Variants in RBFOX1 observed in about 807,000 individuals in gnomAD.
The protein encoded by RBFOX1 is RNA binding protein fox-1 homolog 1.
A neutral mutation model predicts 57.7 loss-of-function variants in RBFOX1; 8 were observed. The observed-to-expected ratio is 0.14, with a 90% CI of 0.08 to 0.25. The LOEUF (loss-of-function observed/expected upper bound fraction) is 0.25. Among genes scored for constraint, RBFOX1 ranks in the 10% least tolerant of loss-of-function variants. The pLI is 1.00. For synonymous variants in RBFOX1, 326 were observed against 222.4 expected (o/e 1.47, Z -4.15); for missense variants, 611 against 548.5 (o/e 1.11, Z -1.14).
intron 2 of RBFOX1, among the ~76,000 whole-genome samples, chr16:6,530,753 T>C (rs79700189): frequency 0.11 from 1,531 of 14,454 alleles, 14 homozygotes; most frequent in East Asian, 0.47. Context: ...AAACCGTCCC[T>C]TCCCCACCCC....
At chr16:6,793,010 CAG>C (rs1231544997) in intron 3 of RBFOX1, among the ~76,000 whole-genome samples, 3 of 144,678 alleles carry the variant, frequency 2.1e-5, no homozygotes, top group Admixed American at 7.0e-5. Flanking sequence ...GGCTGGGCGA[CAG>C]AGTGAGACTC....
intron 4 of RBFOX1, among the ~76,000 whole-genome samples, chr16:7,185,307 G>A (rs57585947): frequency 1.3e-5 from 2 of 151,892 alleles, no homozygotes; most frequent in African/African-American, 2.4e-5. Flanking sequence ...TGATTCTACT[G>A]TACCCTGGAG....
intron 1 of RBFOX1, among the ~76,000 whole-genome samples, chr16:6,113,891 C>G (rs2096471209): frequency 6.6e-6 from 1 of 152,146 alleles, no homozygotes; most frequent in Admixed American, 6.5e-5. Flanking sequence ...AAACCTGTAT[C>G]ACCACCGGCA....
intron 4 of RBFOX1, among the ~76,000 whole-genome samples, chr16:7,267,145 C>T (rs2095174765): frequency 1.3e-5 from 2 of 152,154 alleles, no homozygotes; most frequent in Non-Finnish European, 2.9e-5. Context: ...CACAGTGTGG[C>T]TTATGCACTT....
chr16:5,317,783 T>C (rs1436631781), intron 1 of RBFOX1, among the ~76,000 whole-genome samples: 2 of 152,244 alleles, frequency 1.3e-5, no homozygotes, highest in African/African-American at 2.4e-5. Context: ...ATATATAACA[T>C]AATATTTGCC....
chr16:6,888,484 A>G (rs114299514), intron 3 of RBFOX1, among the ~76,000 whole-genome samples: 6 of 152,216 alleles, frequency 3.9e-5, no homozygotes, highest in African/African-American at 9.6e-5. Flanking sequence ...TTCAGGGGGA[A>G]ATTAAATTCC....
At chr16:7,080,977 G>A (rs928115109) in intron 4 of RBFOX1, among the ~76,000 whole-genome samples, 1 of 152,148 alleles carries the variant, frequency 6.6e-6, no homozygotes, top group Non-Finnish European at 1.5e-5. Flanking sequence ...GCATGAACTG[G>A]TCTTTACCTC....
intron 1 of RBFOX1, among the ~76,000 whole-genome samples, chr16:6,070,475 T>G (rs2095822580): frequency 6.6e-6 from 1 of 152,182 alleles, no homozygotes. Flanking sequence ...TCGTGGTTGC[T>G]AGGGCACACT....
intron 1 of RBFOX1, among the ~76,000 whole-genome samples, chr16:5,376,877 C>G (rs1233409008): frequency 6.7e-6 from 1 of 150,214 alleles, no homozygotes; most frequent in East Asian, 1.9e-4. Flanking sequence ...TGCGTCATCT[C>G]CAAGTGGCCC....
At chr16:6,904,790 C>T (rs2069405247) in intron 3 of RBFOX1, among the ~76,000 whole-genome samples, 1 of 152,044 alleles carries the variant, frequency 6.6e-6, no homozygotes, top group Non-Finnish European at 1.5e-5. Context: ...ACTTGTGTTA[C>T]ACAAAGCTGG....
chr16:6,048,342 A>G (rs937195997), intron 1 of RBFOX1, among the ~76,000 whole-genome samples: 2 of 152,204 alleles, frequency 1.3e-5, no homozygotes, highest in Non-Finnish European at 1.5e-5. Flanking sequence ...CTTCTGCATT[A>G]TCTATAATCT....
At chr16:6,479,927 T>G (rs934238369) in intron 2 of RBFOX1, among the ~76,000 whole-genome samples, 1 of 151,744 alleles carries the variant, frequency 6.6e-6, no homozygotes, top group Non-Finnish European at 1.5e-5. Flanking sequence ...GGCGGGTACC[T>G]ATGATCTCAG....
intron 2 of RBFOX1, among the ~76,000 whole-genome samples, chr16:6,459,314 C>A (rs535090029): frequency 2.6e-5 from 4 of 152,106 alleles, no homozygotes; most frequent in Admixed American, 2.0e-4. Flanking sequence ...CCAGCCTGGG[C>A]GACAGAGGGC....
intron 3 of RBFOX1, among the ~76,000 whole-genome samples, chr16:6,845,211 G>T (rs1240252217): frequency 1.3e-5 from 2 of 151,708 alleles, no homozygotes; most frequent in African/African-American, 4.8e-5. Flanking sequence ...TTTCGCTTTT[G>T]CAGCAATTGC....
chr16:5,712,805 T>G lies in RBFOX1; in HGVS notation c.318+113844T>G, dbSNP rs76779532. Reference sequence around the variant, plus strand: ...CTCCCTCTGATCTGCATTCCTAGTTTTTAATGCTACTTCTTTTGCCACATA... The same window carrying G: ...CTCCCTCTGATCTGCATTCCTAGTTGTTAATGCTACTTCTTTTGCCACATA... On this transcript the variant is annotated intron_variant, in intron 3 of 19. Transcript: ENST00000641259. 5.0e-3 allele frequency among the ~76,000 whole-genome samples: 765 copies of G among 152,324 alleles called. 30 individuals carry two copies. In the South Asian group the frequency reaches 0.076, roughly 15 times the overall value.
intron 1 of RBFOX1, among the ~76,000 whole-genome samples, chr16:6,263,494 C>A (rs1470907053): frequency 6.6e-6 from 1 of 152,086 alleles, no homozygotes; most frequent in East Asian, 1.9e-4. Context: ...GCAGTGCAGC[C>A]TCCATTTATG....
rs949086114 is a variant in RBFOX1, at chr16:6,623,551, G to A, written c.-63-31052G>A. 1.5e-4 allele frequency among the ~76,000 whole-genome samples: 22 copies of A among 151,428 alleles called. No individual in the cohort carries two copies. In the East Asian group the frequency reaches 1.6e-3, roughly 11 times the overall value. On this transcript the variant is annotated intron_variant, in intron 2 of 15. Transcript: ENST00000550418. ...GTTGGTGTGCTGCACTCATTAACTC[G>A]TCATTTAACATTAGGTATATCTCCT...
rs1262557744 is a variant in RBFOX1, at chr16:5,250,133, A to AAC, written c.219+10029_219+10030insCA. On this transcript the variant is annotated intron_variant, in intron 1 of 2. Transcript: ENST00000585867. ...AATAGAGCGAGACTGTGTCTCAACAAAAAAAAAAAGAAAAAAGAATTTATA... is the reference window on the plus strand; with the variant it reads ...AATAGAGCGAGACTGTGTCTCAACAAACAAAAAAAAAGAAAAAAGAATTTATA... Among the ~76,000 whole-genome samples the AAC allele has an allele frequency of 2.0e-5, 3 of 150,616 alleles. No homozygotes were observed. In the East Asian group the frequency reaches 5.8e-4, roughly 29 times the overall value.
chr16:7,208,972 A>G (rs545295133), intron 4 of RBFOX1, among the ~76,000 whole-genome samples: 7 of 151,966 alleles, frequency 4.6e-5, no homozygotes, highest in South Asian at 2.1e-4. Context: ...TCTTCACTTC[A>G]TCTTCCCTCT....
Sources: gnomAD v4.1 joint callset for allele counts (sites outside exome capture counted in the v4.1 genomes callset) on GRCh38, gnomAD v4.1.1 for gene constraint, MANE v1.5 for transcripts, NCBI Gene and HGNC (gene_info 2026-07-23, HGNC 2026-07-21) for gene names.